Variants in HDAC9 observed in about 807,000 individuals in gnomAD.
The protein encoded by HDAC9 is histone deacetylase 9.
In HDAC9, 41 loss-of-function variants were observed where a neutral mutation model predicts 139.4. The ratio of observed to expected loss-of-function variants is 0.29; its 90% CI spans 0.23 to 0.38. HDAC9 has a LOEUF of 0.38. Ranked by LOEUF, HDAC9 falls within the 10% of genes least tolerant of loss-of-function variation. HDAC9 has a pLI of 1.00. For synonymous variants in HDAC9, 517 were observed against 476.2 expected (o/e 1.09, Z -1.12); for missense variants, 1,147 against 1,297.0 (o/e 0.88, Z 1.78).
intron 25 of HDAC9, among the ~76,000 whole-genome samples, chr7:18,991,378 T>G (rs2158494): frequency 1.3e-5 from 2 of 152,060 alleles, no homozygotes; most frequent in South Asian, 2.1e-4. Context: ...CAGTGGCTCA[T>G]GCCTGTAATC....
chr7:18,704,991 T>C (rs1783772264), intron 12 of HDAC9, among the ~76,000 whole-genome samples: 1 of 152,214 alleles, frequency 6.6e-6, no homozygotes, highest in Non-Finnish European at 1.5e-5. Context: ...ACATACGATT[T>C]TTAACTTTCT....
At chr7:18,486,465 G>T (rs541157798) in intron 1 of HDAC9, among the ~76,000 whole-genome samples, 3 of 152,042 alleles carry the variant, frequency 2.0e-5, no homozygotes, top group South Asian at 4.1e-4. Context: ...ACAATGTAAG[G>T]TGGAACTTCT....
intron 1 of HDAC9, among the ~76,000 whole-genome samples, chr7:18,447,793 T>C (rs1217007430): frequency 6.6e-6 from 1 of 152,216 alleles, no homozygotes; most frequent in African/African-American, 2.4e-5. Flanking sequence ...GCTCCTATAG[T>C]GTATGTATTC....
chr7:18,943,976 T>A (rs1201427612), intron 23 of HDAC9, among the ~76,000 whole-genome samples: 1 of 152,130 alleles, frequency 6.6e-6, no homozygotes, highest in Non-Finnish European at 1.5e-5. Flanking sequence ...CCCCAATCTA[T>A]TTGGTCAAGA....
chr7:18,141,182 C>T (rs995503432), intron 1 of HDAC9, among the ~76,000 whole-genome samples: 10 of 152,090 alleles, frequency 6.6e-5, no homozygotes, highest in African/African-American at 2.4e-4. Flanking sequence ...TGTATTGTTC[C>T]CTTGCTAGTT....
intron 2 of HDAC9, among the ~76,000 whole-genome samples, chr7:18,236,044 T>G (rs1260540027): frequency 6.6e-6 from 1 of 152,204 alleles, no homozygotes; most frequent in Non-Finnish European, 1.5e-5. Flanking sequence ...CCTTCCACCC[T>G]CACTGGAGTT....
intron 17 of HDAC9, among the ~76,000 whole-genome samples, chr7:18,795,575 T>C (rs534538230): frequency 1.3e-5 from 2 of 152,334 alleles, no homozygotes; most frequent in East Asian, 3.9e-4. Context: ...CTGGGTTATC[T>C]TTCTGATTGC....
At chr7:18,638,416 A>C (rs562550173) in intron 8 of HDAC9, among the ~76,000 whole-genome samples, 1 of 152,220 alleles carries the variant, frequency 6.6e-6, no homozygotes, top group Non-Finnish European at 1.5e-5. Context: ...ATTGAGGTTC[A>C]GGAAATAGCA....
intron 2 of HDAC9, among the ~76,000 whole-genome samples, chr7:18,582,111 A>G (rs1828020136): frequency 1.3e-5 from 2 of 152,244 alleles, no homozygotes; most frequent in South Asian, 4.1e-4. Context: ...ATGAAGCCTT[A>G]ACATCTGTAG....
At chr7:18,152,970 G>A (rs1232215945) in intron 1 of HDAC9, among the ~76,000 whole-genome samples, 1 of 152,146 alleles carries the variant, frequency 6.6e-6, no homozygotes, top group Non-Finnish European at 1.5e-5. Flanking sequence ...TGTAGACAAA[G>A]GAACAGCATT....
chr7:18,972,193 G>A (rs1784280135), intron 24 of HDAC9, among the ~76,000 whole-genome samples: 1 of 152,096 alleles, frequency 6.6e-6, no homozygotes, highest in Admixed American at 6.5e-5. Context: ...GAGATCAGAA[G>A]GACCACGATA....
At chr7:18,822,306 C>T (rs1274506691) in intron 17 of HDAC9, among the ~76,000 whole-genome samples, 1 of 152,108 alleles carries the variant, frequency 6.6e-6, no homozygotes, top group Non-Finnish European at 1.5e-5. Context: ...ACACCTTTCA[C>T]TTCAGAGAGT....
chr7:18,975,487 G>A (rs1232951107), intron 24 of HDAC9, among the ~76,000 whole-genome samples: 1 of 152,162 alleles, frequency 6.6e-6, no homozygotes, highest in Admixed American at 6.5e-5. Context: ...CCCAGGGAGC[G>A]TGAAGCCCGG....
chr7:18,620,118 G>C (rs1839813711), intron 6 of HDAC9, among the ~76,000 whole-genome samples: 1 of 152,114 alleles, frequency 6.6e-6, no homozygotes, highest in Non-Finnish European at 1.5e-5. Flanking sequence ...TGAATAAATA[G>C]CTAAAGGATT....
intron 1 of HDAC9, among the ~76,000 whole-genome samples, chr7:18,115,866 G>T (rs1208937904): frequency 6.6e-6 from 1 of 152,348 alleles, no homozygotes; most frequent in East Asian, 1.9e-4. Context: ...TTCAGTAGCT[G>T]TCTCAATTTT....
intron 2 of HDAC9, among the ~76,000 whole-genome samples, chr7:18,541,605 A>G (rs1812984536): frequency 6.6e-6 from 1 of 152,186 alleles, no homozygotes; most frequent in South Asian, 2.1e-4. Context: ...GGTGACAAAC[A>G]TAATAATTAA....
intron 22 of HDAC9, among the ~76,000 whole-genome samples, chr7:18,899,616 A>C (rs996598695): frequency 6.6e-6 from 1 of 152,074 alleles, no homozygotes. Context: ...TTTGGAAGAC[A>C]TGGTGGTTAG....
intron 22 of HDAC9, among the ~76,000 whole-genome samples, chr7:18,907,578 ACCACAGGCTTTCTGGGAAGGG>A (rs1349945356): frequency 6.6e-6 from 1 of 152,246 alleles, no homozygotes; most frequent in Non-Finnish European, 1.5e-5. Context: ...CAAAGGAAGG[ACCACAGGCTTTCTGGGAAGGG>A]CCACAGGGCT....
intron 1 of HDAC9, among the ~76,000 whole-genome samples, chr7:18,439,809 A>ATC (rs540270051): frequency 2.0e-5 from 3 of 151,412 alleles, no homozygotes; most frequent in Non-Finnish European, 4.4e-5. Context: ...ACACATTCAA[A>ATC]TCTCTCTCTC....
Sources: allele counts gnomAD v4.1 joint callset (sites outside exome capture counted in the v4.1 genomes callset), GRCh38; gene constraint gnomAD v4.1.1; transcripts MANE v1.5; gene names NCBI Gene and HGNC (gene_info 2026-07-23, HGNC 2026-07-21).